Variants in AKAP7 observed in about 807,000 individuals in gnomAD.
AKAP7 encodes the protein A-kinase anchoring protein 7.
AKAP7 carries 39 observed loss-of-function variants against 39.5 expected under a neutral mutation model. That is an observed-to-expected ratio of 0.99 (90% CI 0.76 to 1.29). The LOEUF (loss-of-function observed/expected upper bound fraction) is 1.29. AKAP7 is among the 50% of genes most tolerant of loss of function. The pLI is 0.00. For synonymous variants in AKAP7, 140 were observed against 139.1 expected (o/e 1.01, Z -0.05); for missense variants, 414 against 407.7 (o/e 1.02, Z -0.13).
chr6:131,251,209 C>T (rs1331080647), intron 7 of AKAP7, among the ~76,000 whole-genome samples: 1 of 152,174 alleles, frequency 6.6e-6, no homozygotes, highest in African/African-American at 2.4e-5. Context: ...TCCACAGCGG[C>T]TTGTGCCTAG....
chr6:131,208,336 C>T (rs1808326260), intron 6 of AKAP7, among the ~76,000 whole-genome samples: 1 of 152,144 alleles, frequency 6.6e-6, no homozygotes, highest in Non-Finnish European at 1.5e-5. Flanking sequence ...TGGAATCTTT[C>T]AGTACTTTGT....
intron 5 of AKAP7, among the ~76,000 whole-genome samples, chr6:131,171,229 C>G (rs1409905038): frequency 6.6e-6 from 1 of 151,994 alleles, no homozygotes; most frequent in Non-Finnish European, 1.5e-5. Context: ...AACAGGCAAG[C>G]AATTACAGTG....
At chr6:131,174,874 A>C (rs144327009) in intron 5 of AKAP7, among the ~76,000 whole-genome samples, 87 of 152,322 alleles carry the variant, frequency 5.7e-4, no homozygotes, top group African/African-American at 1.9e-3. Context: ...AAGTAATTCT[A>C]GTTGACCTTT....
At chr6:131,197,097 T>C (rs115384544) in intron 5 of AKAP7, among the ~76,000 whole-genome samples, 4,118 of 152,190 alleles carry the variant, frequency 0.027, 167 homozygotes, top group African/African-American at 0.094. Context: ...ATTATAGATG[T>C]AATAACCATG....
At chr6:131,197,964 T>C (rs1208622998) in intron 5 of AKAP7, among the ~76,000 whole-genome samples, 1 of 152,060 alleles carries the variant, frequency 6.6e-6, no homozygotes, top group Non-Finnish European at 1.5e-5. Flanking sequence ...TGAAAGGAAG[T>C]GGTGTATCAA....
At chr6:131,275,657 G>A (rs948220698) in intron 7 of AKAP7, among the ~76,000 whole-genome samples, 2 of 152,174 alleles carry the variant, frequency 1.3e-5, no homozygotes, top group Non-Finnish European at 2.9e-5. Context: ...TCCATCGCAT[G>A]TCTGCCGCCA....
chr6:131,210,762 G>A lies in AKAP7; in HGVS notation c.703-8899G>A, dbSNP rs141021054. ...ATTTTCATTGGCCATTCATTACCTG[G>A]GAGAATGTTCCTTGTGACTCCCTGT... On this transcript the variant is annotated intron_variant, in intron 6 of 7. Transcript: ENST00000431975. Among the ~76,000 whole-genome samples the A allele has an allele frequency of 3.8e-3, 576 of 152,274 alleles. 1 individual carries two copies. The highest frequency in any genetic ancestry group is 6.3e-3 in the Non-Finnish European group (426 of 68,026).
At chr6:131,247,917 A>G (rs991690008) in intron 7 of AKAP7, among the ~76,000 whole-genome samples, 1 of 152,216 alleles carries the variant, frequency 6.6e-6, no homozygotes, top group African/African-American at 2.4e-5. Flanking sequence ...GGCATGAGCC[A>G]TGGTGCCTGT....
chr6:131,214,513 A>G (rs757423832), intron 6 of AKAP7, among the ~76,000 whole-genome samples: 1 of 152,232 alleles, frequency 6.6e-6, no homozygotes, highest in African/African-American at 2.4e-5. Context: ...TCCAGAAAAC[A>G]TAGACCATCT....
At chr6:131,180,383 A>G (rs758323387) in intron 5 of AKAP7, among the ~76,000 whole-genome samples, 1 of 152,166 alleles carries the variant, frequency 6.6e-6, no homozygotes, top group Admixed American at 6.5e-5. Context: ...TACTTGCTCA[A>G]TAACACCTTT....
At chr6:131,179,132 C>G (rs1379716874) in intron 5 of AKAP7, among the ~76,000 whole-genome samples, 1 of 151,984 alleles carries the variant, frequency 6.6e-6, no homozygotes, top group African/African-American at 2.4e-5. Context: ...CCTCATAGGT[C>G]TCATCACAGG....
chr6:131,161,060 C>G (rs1802895560), intron 3 of AKAP7, among the ~76,000 whole-genome samples: 1 of 152,174 alleles, frequency 6.6e-6, no homozygotes, highest in African/African-American at 2.4e-5. Flanking sequence ...AGGCACATTT[C>G]CACATTGCCT....
rs1052899270 is a variant in AKAP7, at chr6:131,162,551, C to T, written c.291+2353C>T. Among the ~76,000 whole-genome samples, 9 of 152,222 alleles carry T rather than the reference C, an allele frequency of 5.9e-5. No homozygotes were observed. The South Asian group carries it at 1.0e-3, about 18-fold the overall frequency. On this transcript the variant is annotated intron_variant, in intron 3 of 7. Transcript: ENST00000431975. ...ACTATTTTTTAAACCCGAATATAGC[C>T]GTGTCACCAACCTGCTTATATACTT...
At chr6:131,259,172 C>A (rs1292166879) in intron 7 of AKAP7, among the ~76,000 whole-genome samples, 1 of 152,184 alleles carries the variant, frequency 6.6e-6, no homozygotes, top group East Asian at 1.9e-4. Context: ...ATAATTCACA[C>A]TTTCTAAGCA....
At position 131,219,646 on chromosome 6, in the gene AKAP7, T is replaced by G. The variant is rs377486720; in HGVS notation, c.703-15T>G. ...GTGAAATGATTGATTGATTGATTTG[T>G]TTTTTCATTTCAAGGGAGTGAAAAA... On this transcript the variant is annotated splice_polypyrimidine_tract_variant and intron_variant, in intron 6 of 7. Coordinates refer to ENST00000431975, the MANE Select transcript of AKAP7 (RefSeq NM_016377.4). 34 of 1,584,476 alleles carry G rather than the reference T, an allele frequency of 2.1e-5. No homozygotes were observed. In the African/African-American group the frequency reaches 4.5e-4, roughly 21 times the overall value.
the AKAP7 span, among the ~76,000 whole-genome samples, chr6:131,127,348 T>C: frequency 2.0e-5 from 3 of 152,162 alleles, no homozygotes; most frequent in Non-Finnish European, 4.4e-5. Flanking sequence ...GACCTTGAAG[T>C]CCTTGACCAT....
At chr6:131,177,932 C>T (rs1804737385) in intron 5 of AKAP7, among the ~76,000 whole-genome samples, 1 of 152,196 alleles carries the variant, frequency 6.6e-6, no homozygotes, top group Admixed American at 6.5e-5. Context: ...TCATTTCACC[C>T]AATCCCAAAT....
At chr6:131,262,622 T>C (rs1813445248) in intron 7 of AKAP7, among the ~76,000 whole-genome samples, 1 of 152,008 alleles carries the variant, frequency 6.6e-6, no homozygotes, top group Non-Finnish European at 1.5e-5. Flanking sequence ...TAAAAAAATA[T>C]ATATATATTG....
At chr6:131,255,264 C>T (rs1812750393) in intron 7 of AKAP7, among the ~76,000 whole-genome samples, 1 of 152,152 alleles carries the variant, frequency 6.6e-6, no homozygotes, top group African/African-American at 2.4e-5. Flanking sequence ...CCAGAGGAGG[C>T]ATGTTCTAAA....
Sources: gnomAD v4.1 joint callset for allele counts (sites outside exome capture counted in the v4.1 genomes callset) on GRCh38, gnomAD v4.1.1 for gene constraint, MANE v1.5 for transcripts, NCBI Gene and HGNC (gene_info 2026-07-23, HGNC 2026-07-21) for gene names.